Variants in CPM observed in about 807,000 individuals in gnomAD.
CPM encodes carboxypeptidase M.
CPM carries 35 observed loss-of-function variants against 46.4 expected under a neutral mutation model. That is an observed-to-expected ratio of 0.75 (90% CI 0.58 to 1.00). The LOEUF (loss-of-function observed/expected upper bound fraction) is 1.00, where lower values mean the gene tolerates loss of function less well. CPM is among the 50% of genes least tolerant of loss of function. The pLI is 0.00. For missense variants in CPM, 422 were observed against 530.4 expected (o/e 0.80, Z 2.01); for synonymous variants, 195 against 195.3 (o/e 1.00, Z 0.01).
chr12:68,890,431 C>T (rs7979363), intron 2 of CPM, among the ~76,000 whole-genome samples: 8 of 151,524 alleles, frequency 5.3e-5, no homozygotes, highest in Non-Finnish European at 1.2e-4. Context: ...AGGCACTCTG[C>T]TAAGCACTTT....
chr12:68,867,169 A>G (rs1885490680), intron 6 of CPM, 121 bp from the exon 7 acceptor site: 2 of 980,798 alleles, frequency 2.0e-6, no homozygotes, highest in South Asian at 1.4e-5. Context: ...TGAATTTGAC[A>G]TATTAGCTTG....
intron 3 of CPM, among the ~76,000 whole-genome samples, chr12:68,875,036 T>C (rs748923594): frequency 2.6e-5 from 4 of 152,104 alleles, no homozygotes; most frequent in Non-Finnish European, 5.9e-5. Context: ...GCAGTCTTGG[T>C]AGTATGGGTA....
intron 2 of CPM, among the ~76,000 whole-genome samples, chr12:68,930,947 T>A (rs1044350320): frequency 2.0e-5 from 3 of 152,248 alleles, no homozygotes; most frequent in Non-Finnish European, 4.4e-5. Context: ...GTTCTATATA[T>A]TTTTAATTAA....
At position 68,962,003 on chromosome 12, in the gene CPM, A is replaced by G. The variant is rs566401847; in HGVS notation, c.-4+1166T>C. On this transcript the variant is annotated intron_variant, in intron 1 of 8. Coordinates refer to the CPM transcript ENST00000546373. The stretch of plus-strand genomic sequence containing the variant: ...ATCACGAGGTCAGCAGGTCGAGACC[A>G]TCCTGGCTAACGCGGTGAAACCCTG... 8.5e-5 allele frequency among the ~76,000 whole-genome samples: 13 copies of G among 152,206 alleles called. No homozygotes were observed. In the South Asian group the frequency reaches 1.7e-3, roughly 19 times the overall value.
intron 2 of CPM, among the ~76,000 whole-genome samples, chr12:68,905,361 G>A (rs1887301203): frequency 6.6e-6 from 1 of 151,290 alleles, no homozygotes; most frequent in Admixed American, 6.6e-5. Context: ...GCTCACCACT[G>A]CCTCCACCTC....
chr12:68,870,447 G>T, intron 4 of CPM, 48 bp from the exon 5 acceptor site: 1 of 1,530,772 alleles, frequency 6.5e-7, no homozygotes, highest in Non-Finnish European at 8.9e-7. Context: ...GCATGAGGGA[G>T]TGGATTCTTA....
At chr12:68,896,197 G>A (rs187138064) in intron 2 of CPM, among the ~76,000 whole-genome samples, 5 of 152,078 alleles carry the variant, frequency 3.3e-5, no homozygotes, top group Admixed American at 1.3e-4. Context: ...CCATCAAAGC[G>A]GCCAACCTCC....
rs140143714 is a variant in CPM, at chr12:68,874,770, A to G, written c.259-2814T>C. 1.0e-3 allele frequency among the ~76,000 whole-genome samples: 156 copies of G among 152,272 alleles called. 1 individual carries two copies. The highest frequency in any genetic ancestry group is 3.5e-3 in the African/African-American group (144 of 41,538). On this transcript the variant is annotated intron_variant, in intron 3 of 8. Coordinates refer to ENST00000551568, the MANE Select transcript of CPM (RefSeq NM_198320.5). ...TGGTTAGAGGCCATAGTATGGTTCA[A>G]TCGGCAAAAATCCCTGGCCTATCTG...
chr12:68,934,706 C>A (rs987526541), upstream of CPM, among the ~76,000 whole-genome samples: 1 of 152,064 alleles, frequency 6.6e-6, no homozygotes, highest in Non-Finnish European at 1.5e-5. Context: ...AGTGCCAATT[C>A]TTGCTCTGAC....
intron 3 of CPM, among the ~76,000 whole-genome samples, chr12:68,883,436 A>G (rs1469983819): frequency 2.0e-5 from 3 of 152,190 alleles, no homozygotes; most frequent in Non-Finnish European, 4.4e-5. Flanking sequence ...TACTAGCCCC[A>G]TAGAGCCCCC....
At chr12:68,929,979 T>C (rs1346012722) in intron 2 of CPM, among the ~76,000 whole-genome samples, 1 of 152,246 alleles carries the variant, frequency 6.6e-6, no homozygotes, top group South Asian at 2.1e-4. Flanking sequence ...AACATGTATT[T>C]AGTTACTTAG....
At chr12:68,871,983 C>T in intron 3 of CPM, 27 bp from the exon 4 acceptor site, 7 of 1,612,852 alleles carry the variant, frequency 4.3e-6, no homozygotes, top group South Asian at 1.1e-5. Flanking sequence ...GAAAAGAGGA[C>T]ATTATTAGGT....
chr12:68,864,186 T>C (rs1292668860), intron 7 of CPM, among the ~76,000 whole-genome samples: 1 of 152,246 alleles, frequency 6.6e-6, no homozygotes, highest in Non-Finnish European at 1.5e-5. Context: ...GGCTCATGCC[T>C]GTAATCCCAG....
chr12:68,935,132 A>G (rs1485055828), upstream of CPM, among the ~76,000 whole-genome samples: 2 of 150,606 alleles, frequency 1.3e-5, no homozygotes, highest in African/African-American at 2.4e-5. Flanking sequence ...CTGGTCTGGA[A>G]CTCCCGACCT....
chr12:68,842,533 A>G (rs1418318269), intron 5 of CPM: 2 of 357,914 alleles, frequency 5.6e-6, no homozygotes, highest in Non-Finnish European at 1.1e-5. Context: ...CTGTCTACAA[A>G]ACAGATAATA....
At chr12:68,847,456 T>C (rs887614234), downstream of CPM, 4 of 114,260 alleles carry the variant, frequency 3.5e-5, no homozygotes, top group African/African-American at 8.3e-5. Context: ...TCCTTTCTTT[T>C]TTTTTTTTTT....
chr12:68,922,359 G>C (rs1183601113), intron 2 of CPM, among the ~76,000 whole-genome samples: 1 of 152,188 alleles, frequency 6.6e-6, no homozygotes, highest in Non-Finnish European at 1.5e-5. Flanking sequence ...TGATTTTTAA[G>C]TGTGGTTCTA....
intron 2 of CPM, among the ~76,000 whole-genome samples, chr12:68,891,155 G>A (rs1886639308): frequency 6.6e-6 from 1 of 152,148 alleles, no homozygotes; most frequent in Non-Finnish European, 1.5e-5. Flanking sequence ...CCCTAACAAC[G>A]ATCCAAAGAT....
At chr12:68,842,576 T>C (rs1592606612) in intron 5 of CPM, 1 of 326,984 alleles carries the variant, frequency 3.1e-6, no homozygotes, top group South Asian at 3.2e-5. Flanking sequence ...TGTTAACTCT[T>C]TACTGATATG....
Sources: allele counts gnomAD v4.1 joint callset (sites outside exome capture counted in the v4.1 genomes callset), GRCh38; gene constraint gnomAD v4.1.1; transcripts MANE v1.5; gene names NCBI Gene and HGNC (gene_info 2026-07-23, HGNC 2026-07-21).